Variants in GALNT5 observed in about 807,000 individuals in gnomAD.
The protein encoded by GALNT5 is UDP-GalNAc:polypeptide N-acetylgalactosaminyltransferase 5.
In GALNT5, 72 loss-of-function variants were observed where a neutral mutation model predicts 85.4. The observed-to-expected ratio is 0.84, with a 90% CI of 0.70 to 1.03. GALNT5 has a LOEUF of 1.03. Ranked by LOEUF, GALNT5 falls within the 50% of genes least tolerant of loss-of-function variation. The pLI is 0.00. For missense variants in GALNT5, 1,137 were observed against 1,135.5 expected (o/e 1.00, Z -0.02); for synonymous variants, 404 against 397.0 (o/e 1.02, Z -0.21).
In GALNT5 at chr2:157,317,615, C is replaced by G. The variant is rs1683744719; in HGVS notation, c.*6267C>G. ...GAGTATAAAGGATGTTGGAATTAAA[C>G]ATTTTTAAGTACTTTTTCTTTTGCA... On this transcript the variant is annotated 3_prime_UTR_variant, in exon 10 of 10. Transcript: ENST00000259056. Among the ~76,000 whole-genome samples, 1 of 152,096 alleles carries G rather than the reference C, an allele frequency of 6.6e-6. No individual in the cohort carries two copies. The highest frequency in any genetic ancestry group is 2.1e-4 in the South Asian group (1 of 4,836).
intron 1 of GALNT5, among the ~76,000 whole-genome samples, chr2:157,264,168 C>T (rs1229174017): frequency 7.7e-6 from 1 of 129,114 alleles, no homozygotes; most frequent in African/African-American, 4.3e-5. Flanking sequence ...CAACAATCAA[C>T]ACACATACAC....
chr2:157,279,105 A>C (rs1041720084), intron 1 of GALNT5, among the ~76,000 whole-genome samples: 3 of 152,188 alleles, frequency 2.0e-5, no homozygotes, highest in African/African-American at 7.2e-5. Flanking sequence ...AGTTTGCTGG[A>C]GGTCCACTCC....
At chr2:157,263,474 T>C (rs571313344) in intron 1 of GALNT5, among the ~76,000 whole-genome samples, 19 of 152,120 alleles carry the variant, frequency 1.2e-4, no homozygotes, top group Non-Finnish European at 2.5e-4. Flanking sequence ...AAATTGCAAT[T>C]ACTCTTAGTG....
chr2:157,293,459 C>G (rs186120377), intron 3 of GALNT5, among the ~76,000 whole-genome samples: 1 of 152,336 alleles, frequency 6.6e-6, no homozygotes, highest in East Asian at 1.9e-4. Context: ...ATACTGTCAT[C>G]TTAGGGTTAG....
chr2:157,260,905 T>C lies in GALNT5; in HGVS notation c.1454+1369T>C, dbSNP rs909985936. On this transcript the variant is annotated intron_variant, in intron 1 of 9. Transcript: ENST00000259056. ...GTGATAATCACAGTCTTGAGGAGAA[T>C]GCAGACATACTCAAAGATGAGGAAA... 2.0e-5 allele frequency among the ~76,000 whole-genome samples: 3 copies of C among 152,342 alleles called. No individual in the cohort carries two copies. The East Asian group carries it at 5.8e-4, about 29-fold the overall frequency.
chr2:157,286,102 G>C lies in GALNT5; in HGVS notation c.1709G>C (p.Arg570Thr), dbSNP rs140702775. 39 of 1,613,226 alleles carry C rather than the reference G, an allele frequency of 2.4e-5. No individual in the cohort carries two copies. Among genetic ancestry groups the C allele is most frequent in the African/African-American group, 4.0e-5 (3 of 74,916 alleles). Residue 570 changes from arginine to threonine, a missense_variant, in exon 3 of 10, where the codon AGG (arginine) becomes ACG (threonine). Arg to Thr is a moderately conservative substitution (Grantham distance 71). Transcript: ENST00000259056. ...LRLKERHGLI[R>T]ARLAGAQNAT... ...CTCAAAGAGAGACATGGCTTAATAA[G>C]GGCCAGGCTGGCAGGAGCACAGAAT...
chr2:157,300,153 A>G (rs1323044384), intron 6 of GALNT5, among the ~76,000 whole-genome samples: 2 of 152,234 alleles, frequency 1.3e-5, no homozygotes, highest in East Asian at 3.8e-4. Flanking sequence ...TCATTGATTA[A>G]CTTCTGAGAA....
Position 157,267,096 on chromosome 2 carries a change from T to C in GALNT5, c.1454+7560T>C, listed in dbSNP as rs1230171065. Among the ~76,000 whole-genome samples, 5 of 152,008 alleles carry C rather than the reference T, an allele frequency of 3.3e-5. No homozygotes were observed. In the East Asian group the frequency reaches 7.7e-4, roughly 23 times the overall value. ...TGTGATGCCGAAACACAGGGGACTG[T>C]TGGGAAAAAGGAGATAAAAAGCTAA... is the stretch of plus-strand genomic sequence containing the variant. On this transcript the variant is annotated intron_variant, in intron 1 of 9. Coordinates refer to ENST00000259056, the MANE Select transcript of GALNT5 (RefSeq NM_014568.3).
chr2:157,282,372 T>C (rs1181973503), intron 1 of GALNT5, among the ~76,000 whole-genome samples: 3 of 152,222 alleles, frequency 2.0e-5, no homozygotes, highest in Admixed American at 6.5e-5. Context: ...TATTTGTTTG[T>C]ATTTTAAGAC....
At chr2:157,288,816 G>A (rs963469116) in intron 3 of GALNT5, among the ~76,000 whole-genome samples, 5 of 152,314 alleles carry the variant, frequency 3.3e-5, no homozygotes, top group Non-Finnish European at 7.3e-5. Flanking sequence ...GGCTACTATA[G>A]TTGTCCAAGT....
At chr2:157,262,976 C>T (rs536434160) in intron 1 of GALNT5, among the ~76,000 whole-genome samples, 7 of 151,108 alleles carry the variant, frequency 4.6e-5, no homozygotes, top group African/African-American at 9.8e-5. Context: ...TACAGGCACC[C>T]GCCACCATGC....
At chr2:157,300,541 TC>T (rs1683318045) in intron 6 of GALNT5, 134 bp from the exon 7 acceptor site, 1 of 652,406 alleles carries the variant, frequency 1.5e-6, no homozygotes, top group Non-Finnish European at 2.7e-6. Context: ...AGTTTGATTT[TC>T]TATTGCAAAA....
chr2:157,295,867 G>T (rs1051362236), intron 4 of GALNT5, 69 bp downstream of exon 4: 75 of 1,132,590 alleles, frequency 6.6e-5, no homozygotes, highest in Non-Finnish European at 9.4e-5. Flanking sequence ...AAAGTGCTGA[G>T]TATATGCCTA....
intron 7 of GALNT5, chr2:157,302,563 T>C (rs1211960447): frequency 2.8e-5 from 4 of 142,458 alleles, no homozygotes; most frequent in African/African-American, 1.0e-4. Flanking sequence ...TTACAATTTT[T>C]AATTTCAACC....
In GALNT5 at chr2:157,312,853, C is replaced by T. The variant is rs906571758; in HGVS notation, c.*1505C>T. Reference sequence around the variant, plus strand: ...ATTGGGTCCCTGGAGGACAACCATACTATATTCTTGTTAATATGTTTTTTC... The same window carrying T: ...ATTGGGTCCCTGGAGGACAACCATATTATATTCTTGTTAATATGTTTTTTC... On this transcript the variant is annotated 3_prime_UTR_variant, in exon 10 of 10. Coordinates refer to ENST00000259056, the MANE Select transcript of GALNT5 (RefSeq NM_014568.3). 4.6e-5 allele frequency: 7 copies of T among 152,090 alleles called. No homozygotes were observed. Among genetic ancestry groups the T allele is most frequent in the African/African-American group, 1.7e-4 (7 of 41,416 alleles). 9.4% of individuals were successfully genotyped at this position (152,090 alleles called of 1,614,324 possible). A position where few individuals can be genotyped will look rare whatever the true frequency, so the allele number is the denominator to read the frequency against.
intron 1 of GALNT5, among the ~76,000 whole-genome samples, chr2:157,275,928 C>T (rs1682713918): frequency 6.6e-6 from 1 of 152,102 alleles, no homozygotes; most frequent in Admixed American, 6.5e-5. Context: ...CCAGTTTTTG[C>T]CCATTCAGTA....
intron 5 of GALNT5, chr2:157,298,767 G>A (rs1683271902): frequency 6.6e-6 from 1 of 152,298 alleles, no homozygotes; most frequent in African/African-American, 2.4e-5. Flanking sequence ...AGTAACGGCT[G>A]AGAGGCAGTA....
rs1282191592 is a variant in GALNT5 at position 157,286,068 on chromosome 2, A to G, written c.1675A>G (p.Ile559Val). 1 of 1,610,538 alleles carries G rather than the reference A, an allele frequency of 6.2e-7. No homozygotes were observed. Among genetic ancestry groups the G allele is most frequent in the Non-Finnish European group, 8.5e-7 (1 of 1,176,838 alleles). Reference protein sequence around the residue: ...KYMSQFPKVRILRLKERHGLI... With the variant: ...KYMSQFPKVRVLRLKERHGLI... Reference sequence around the variant, plus strand: ...CATGTCCCAGTTTCCAAAAGTTCGGATTCTTCGCCTCAAAGAGAGACATGG... The same window carrying G: ...CATGTCCCAGTTTCCAAAAGTTCGGGTTCTTCGCCTCAAAGAGAGACATGG... The change falls in exon 3 of 10, where the codon ATT becomes GTT. Residue 559 changes from isoleucine to valine, a missense_variant. Transcript: ENST00000259056.
At position 157,315,300 on chromosome 2, in the gene GALNT5, C is replaced by G. The variant is rs1683676308; in HGVS notation, c.*3952C>G. On this transcript the variant is annotated 3_prime_UTR_variant, in exon 10 of 10. Coordinates refer to ENST00000259056, the MANE Select transcript of GALNT5 (RefSeq NM_014568.3). The stretch of plus-strand genomic sequence containing the variant: ...GTTATATGAACAAGAAGGATAACTC[C>G]CACATACAGATGAGGAATTTGGTAA... Among the ~76,000 whole-genome samples, 1 of 152,078 alleles carries G rather than the reference C, an allele frequency of 6.6e-6. No homozygotes were observed. Among genetic ancestry groups the G allele is most frequent in the South Asian group, 2.1e-4 (1 of 4,820 alleles).
Sources: allele counts gnomAD v4.1 joint callset (sites outside exome capture counted in the v4.1 genomes callset), GRCh38; gene constraint gnomAD v4.1.1; transcripts MANE v1.5; gene names NCBI Gene and HGNC (gene_info 2026-07-23, HGNC 2026-07-21).